The following ITGBL1 variants were observed in gnomAD, a reference collection of about 807,000 sequenced individuals.
ITGBL1 encodes the protein integrin beta-like protein 1.
In ITGBL1, 51 loss-of-function variants were observed where a neutral mutation model predicts 68.5. The observed-to-expected ratio is 0.74, with a 90% confidence interval of 0.59 to 0.94. The LOEUF is 0.94. Ranked by LOEUF, ITGBL1 falls within the 40% of genes least tolerant of loss-of-function variation. The probability of loss-of-function intolerance (pLI) is 0.00; values close to 1 mark genes in which losing one functional copy is unlikely to be tolerated. For missense variants in ITGBL1, 649 were observed against 647.4 expected, an observed-to-expected ratio of 1.00 and a Z score of -0.03; for synonymous variants, 209 against 227.3, an observed-to-expected ratio of 0.92 and a Z score of 0.72.
chr13:101,526,481 C>T (rs985946735), intron 2 of ITGBL1, among the ~76,000 whole-genome samples: 5 of 152,140 alleles, frequency 3.3e-5, no homozygotes, highest in Admixed American at 2.0e-4. Context: ...GGCACAGATA[C>T]ACCATAGAAT....
chr13:101,466,836 C>T (rs777494335), intron 2 of ITGBL1, among the ~76,000 whole-genome samples: 7 of 152,072 alleles, frequency 4.6e-5, no homozygotes, highest in African/African-American at 1.4e-4. Flanking sequence ...TATGTCAACC[C>T]GAAGGAAGGA....
intron 2 of ITGBL1, among the ~76,000 whole-genome samples, chr13:101,546,684 A>G (rs1010942799): frequency 1.3e-5 from 2 of 152,138 alleles, no homozygotes; most frequent in Admixed American, 6.5e-5. Flanking sequence ...GAAACTGTAT[A>G]CATTAACTAT....
At chr13:101,605,667 CATGT>C (rs1238401585) in intron 7 of ITGBL1, among the ~76,000 whole-genome samples, 12 of 151,176 alleles carry the variant, frequency 7.9e-5, no homozygotes, top group East Asian at 7.8e-4. Context: ...CGTATGTAGA[CATGT>C]ATGTGTTTAT....
At chr13:101,562,337 G>A (rs1339203589) in intron 2 of ITGBL1, among the ~76,000 whole-genome samples, 4 of 152,006 alleles carry the variant, frequency 2.6e-5, no homozygotes, top group Non-Finnish European at 5.9e-5. Flanking sequence ...TTTATATCCA[G>A]CAATGTAAAA....
intron 2 of ITGBL1, among the ~76,000 whole-genome samples, chr13:101,471,377 T>C (rs2048454688): frequency 1.3e-5 from 2 of 152,148 alleles, no homozygotes; most frequent in African/African-American, 4.8e-5. Context: ...AATTATATAC[T>C]CCTCAAGGGC....
chr13:101,498,750 T>G (rs1034665054), intron 2 of ITGBL1, among the ~76,000 whole-genome samples: 2 of 152,186 alleles, frequency 1.3e-5, no homozygotes, highest in African/African-American at 4.8e-5. Flanking sequence ...CGGCCGCAGA[T>G]GGGGATTTTA....
intron 7 of ITGBL1, among the ~76,000 whole-genome samples, chr13:101,688,296 A>C (rs2033803741): frequency 6.6e-6 from 1 of 152,112 alleles, no homozygotes; most frequent in Non-Finnish European, 1.5e-5. Context: ...AGGTATAGAC[A>C]AAGGGCTGTG....
chr13:101,640,409 C>G (rs780413235), intron 7 of ITGBL1, among the ~76,000 whole-genome samples: 6 of 152,128 alleles, frequency 3.9e-5, no homozygotes, highest in Non-Finnish European at 8.8e-5. Context: ...CCAGACCACT[C>G]AATTTAGATT....
At chr13:101,635,209 C>T (rs957979613) in intron 7 of ITGBL1, among the ~76,000 whole-genome samples, 1 of 151,990 alleles carries the variant, frequency 6.6e-6, no homozygotes, top group Non-Finnish European at 1.5e-5. Context: ...AAATAAGAGT[C>T]TCTCAAGCTT....
At chr13:101,567,331 T>C (rs912598949) in intron 2 of ITGBL1, among the ~76,000 whole-genome samples, 3 of 152,264 alleles carry the variant, frequency 2.0e-5, no homozygotes, top group East Asian at 1.9e-4. Context: ...TAATGTGTTA[T>C]GTAAAATACA....
chr13:101,500,723 A>G (rs2139084224), intron 2 of ITGBL1, among the ~76,000 whole-genome samples: 1 of 152,294 alleles, frequency 6.6e-6, no homozygotes, highest in East Asian at 1.9e-4. Context: ...TCCTGGTGGG[A>G]AGTAGCATTT....
chr13:101,547,034 A>G (rs951129213), intron 2 of ITGBL1, among the ~76,000 whole-genome samples: 1 of 152,036 alleles, frequency 6.6e-6, no homozygotes, highest in East Asian at 1.9e-4. Context: ...TACTAAAAAT[A>G]TCTCTTGGAA....
At chr13:101,647,817 T>G (rs1304124762) in intron 7 of ITGBL1, among the ~76,000 whole-genome samples, 2 of 152,182 alleles carry the variant, frequency 1.3e-5, no homozygotes, top group African/African-American at 4.8e-5. Context: ...CCACCCTGGT[T>G]TTTTTCTCCA....
chr13:101,693,804 G>T (rs1246415698), intron 8 of ITGBL1, among the ~76,000 whole-genome samples: 1 of 152,128 alleles, frequency 6.6e-6, no homozygotes, highest in Admixed American at 6.5e-5. Flanking sequence ...GAGGGGAAAA[G>T]CCCTTTTAAC....
chr13:101,565,455 C>CTTTA (rs1434211615), intron 2 of ITGBL1, among the ~76,000 whole-genome samples: 1 of 152,048 alleles, frequency 6.6e-6, no homozygotes, highest in Non-Finnish European at 1.5e-5. Flanking sequence ...CCTTACTGGG[C>CTTTA]ATAAAGCTTA....
chr13:101,588,297 T>TTGTG (rs10661136), intron 6 of ITGBL1, among the ~76,000 whole-genome samples: 19 of 149,666 alleles, frequency 1.3e-4, no homozygotes, highest in Non-Finnish European at 1.8e-4. Context: ...TATTCTTCCA[T>TTGTG]TGTGTGTGTG....
At chr13:101,621,617 CT>C (rs1280682227) in intron 7 of ITGBL1, among the ~76,000 whole-genome samples, 1 of 152,084 alleles carries the variant, frequency 6.6e-6, no homozygotes, top group Non-Finnish European at 1.5e-5. Flanking sequence ...TTTATTCCAC[CT>C]TTTAAAATGC....
chr13:101,461,685 A>G (rs1258230505), intron 2 of ITGBL1, among the ~76,000 whole-genome samples: 1 of 152,004 alleles, frequency 6.6e-6, no homozygotes, highest in Non-Finnish European at 1.5e-5. Flanking sequence ...AGAGAATTAG[A>G]CCCTGTCTCA....
chr13:101,526,262 C>T (rs1011983664), intron 2 of ITGBL1, among the ~76,000 whole-genome samples: 3 of 151,502 alleles, frequency 2.0e-5, no homozygotes, highest in Admixed American at 1.3e-4. Context: ...CCCATCAACC[C>T]GTCATCTACA....
Sources: gnomAD v4.1 joint callset for allele counts (sites outside exome capture counted in the v4.1 genomes callset) on GRCh38, gnomAD v4.1.1 for gene constraint, MANE v1.5 for transcripts, NCBI Gene and HGNC (gene_info 2026-07-23, HGNC 2026-07-21) for gene names.